The following TPCN1 variants were observed in gnomAD, a reference collection of about 807,000 sequenced individuals.
TPCN1 encodes two pore segment channel 1.
In TPCN1, 52 loss-of-function variants were observed where a neutral mutation model predicts 108.8. The ratio of observed to expected loss-of-function variants is 0.48; its 90% CI spans 0.38 to 0.60. The LOEUF (loss-of-function observed/expected upper bound fraction) is 0.60, where lower values mean the gene tolerates loss of function less well. TPCN1 is among the 20% of genes least tolerant of loss of function. The probability of loss-of-function intolerance (pLI) is 0.00; values close to 1 mark genes in which losing one functional copy is unlikely to be tolerated. For missense variants in TPCN1, 806 were observed against 1,072.8 expected (o/e 0.75, Z 3.47); for synonymous variants, 446 against 433.7 (o/e 1.03, Z -0.35).
intron 2 of TPCN1, among the ~76,000 whole-genome samples, chr12:113,229,099 GAGACACAATA>G (rs1953580237): frequency 6.6e-6 from 1 of 152,234 alleles, no homozygotes; most frequent in Non-Finnish European, 1.5e-5. Context: ...AAATAGGCCA[GAGACACAATA>G]AGACTCCCCT....
At chr12:113,227,017 G>T in intron 2 of TPCN1, 53 bp downstream of exon 2, 2 of 1,500,570 alleles carry the variant, frequency 1.3e-6, no homozygotes, top group Non-Finnish European at 1.8e-6. Context: ...TTCAGAGGCT[G>T]AGAGGTGATA....
chr12:113,280,113 C>A, intron 14 of TPCN1, 38 bp from the exon 15 acceptor site: 1 of 1,514,734 alleles, frequency 6.6e-7, no homozygotes, highest in Non-Finnish European at 9.2e-7. Context: ...GGAACAAGTG[C>A]GTAAATTTAC....
chr12:113,267,535 A>T (rs1398510283), intron 4 of TPCN1, among the ~76,000 whole-genome samples: 1 of 151,734 alleles, frequency 6.6e-6, no homozygotes, highest in Admixed American at 6.6e-5. Context: ...AGTAGCTGGG[A>T]TTACAGGTGT....
At chr12:113,244,042 C>T (rs755455349) in intron 2 of TPCN1, among the ~76,000 whole-genome samples, 30 of 152,226 alleles carry the variant, frequency 2.0e-4, no homozygotes, top group African/African-American at 6.3e-4. Flanking sequence ...AACTGCTCTC[C>T]GCTTCCTTGC....
chr12:113,296,281 GGGGGT>G lies in TPCN1; in HGVS notation c.*207_*211del. 1.3e-6 allele frequency: 1 copy of G among 744,010 alleles called. No individual in the cohort carries two copies. Among genetic ancestry groups the G allele is most frequent in the Non-Finnish European group, 2.1e-6 (1 of 483,336 alleles). The allele number at this position is 744,010 out of a possible 1,614,324, so 46.1% of individuals were successfully genotyped here. On this transcript the variant is annotated 3_prime_UTR_variant, in exon 28 of 28. Transcript: ENST00000335509. ...TCCAGAAGCCAGTTTGGTGAGGGGT[GGGGGT>G]GCGGCCACCAGGTCTGAGCTCTTCC...
Position 113,284,551 on chromosome 12 carries a change from C to T in TPCN1, c.1343-30C>T. ...AGATTTCTAAGCCCCCCTGTTATTT[C>T]TCTGTCTTTTACGGGCCTGTGTATT... On this transcript the variant is annotated intron_variant, in intron 15 of 27. Transcript: ENST00000335509. This position sits in a 1 kb window ranked among gnomAD's most constrained non-coding sequence, Gnocchi z 4.1. The T allele has an allele frequency of 2.5e-6, 4 of 1,613,590 alleles. No homozygotes were observed. The highest frequency in any genetic ancestry group is 3.4e-6 in the Non-Finnish European group (4 of 1,179,852).
rs1953484431 is a variant in TPCN1, at chr12:113,226,723, C to A, written c.-125-5C>A. Reference sequence around the variant, plus strand: ...TCTTTTATTTTTTTAATTCCCAAACCCTAGAAGATGCCTCTAATGGAGGAG... The same window carrying A: ...TCTTTTATTTTTTTAATTCCCAAACACTAGAAGATGCCTCTAATGGAGGAG... On this transcript the variant is annotated splice_polypyrimidine_tract_variant and splice_region_variant and intron_variant, in intron 1 of 27. Transcript: ENST00000335509. 1.3e-6 allele frequency: 2 copies of A among 1,548,732 alleles called. No homozygotes were observed. Among genetic ancestry groups the A allele is most frequent in the South Asian group, 1.2e-5 (1 of 84,022 alleles).
At chr12:113,227,531 G>A (rs1042496169) in intron 2 of TPCN1, among the ~76,000 whole-genome samples, 20 of 152,188 alleles carry the variant, frequency 1.3e-4, no homozygotes, top group African/African-American at 4.6e-4. Flanking sequence ...ACCCAAGTGC[G>A]GCAAGGAGCT....
At chr12:113,263,037 A>G (rs1955102116) in intron 3 of TPCN1, among the ~76,000 whole-genome samples, 1 of 152,202 alleles carries the variant, frequency 6.6e-6, no homozygotes. Flanking sequence ...ATCATTTTAA[A>G]TTGATGTCAT....
chr12:113,268,954 C>A lies in TPCN1; in HGVS notation c.659+82C>A. The A allele has an allele frequency of 1.3e-6, 2 of 1,545,030 alleles. No homozygotes were observed. The highest frequency in any genetic ancestry group is 1.8e-6 in the Non-Finnish European group (2 of 1,126,448). On this transcript the variant is annotated intron_variant, in intron 6 of 27. Transcript: ENST00000335509. This position sits in a 1 kb window ranked among gnomAD's most constrained non-coding sequence, Gnocchi z 7.3. ...GCCAGTGGGGCAGGAGCTTGTGAGT[C>A]AGTTAGTGATGAGGTCGACCCTGCA... is the stretch of plus-strand genomic sequence containing the variant.
intron 13 of TPCN1, 78 bp from the exon 14 acceptor site, chr12:113,278,694 G>A (rs577146388): frequency 8.2e-7 from 1 of 1,219,700 alleles, no homozygotes; most frequent in South Asian, 1.2e-5. Flanking sequence ...AACAGGAAAG[G>A]AAGCCAGCAT....
At chr12:113,265,276 T>C (rs1447658207) in intron 3 of TPCN1, among the ~76,000 whole-genome samples, 1 of 152,222 alleles carries the variant, frequency 6.6e-6, no homozygotes, top group Non-Finnish European at 1.5e-5. Context: ...CTCACAAATG[T>C]CCTCACCTTT....
chr12:113,269,706 G>C lies in TPCN1; in HGVS notation c.660-51G>C. ...TCCATCTCAACAAGGAGGAGTCCCA[G>C]GCAGCCCGCCCCAGCTGGTGCCTCC... On this transcript the variant is annotated intron_variant, in intron 6 of 27. Transcript: ENST00000335509. The surrounding 1 kb of genome is among the most constrained non-coding windows in gnomAD (Gnocchi z 5.0). The C allele has an allele frequency of 6.4e-7, 1 of 1,554,938 alleles. No individual in the cohort carries two copies. Among genetic ancestry groups the C allele is most frequent in the Non-Finnish European group, 8.8e-7 (1 of 1,132,528 alleles).
chr12:113,296,061 C>G lies in TPCN1; in HGVS notation c.2436C>G (p.Ser812=). 1.2e-6 allele frequency: 2 copies of G among 1,613,136 alleles called. No homozygotes were observed. Among genetic ancestry groups the G allele is most frequent in the Non-Finnish European group, 1.7e-6 (2 of 1,179,724 alleles). Residue 812 remains serine, a synonymous_variant, in exon 28 of 28, where the codon TCC becomes TCG. Coordinates refer to ENST00000335509, the MANE Select transcript of TPCN1 (RefSeq NM_017901.6). ...AQQPPGSRQR[S]QTVT ...AGCCCCCAGGCAGCCGCCAGCGCTC[C>G]CAGACCGTTACCTAGCCCAGCGCCC...
intron 27 of TPCN1, 44 bp downstream of exon 27, chr12:113,293,393 T>C (rs2136778383): frequency 6.3e-7 from 1 of 1,577,782 alleles, no homozygotes; most frequent in East Asian, 2.2e-5. Context: ...CCCCAAGCTA[T>C]GTCCTGGGAG....
intron 23 of TPCN1, 61 bp from the exon 24 acceptor site, chr12:113,291,548 T>C (rs1183563672): frequency 6.9e-7 from 1 of 1,457,670 alleles, no homozygotes; most frequent in Admixed American, 1.8e-5. Context: ...GAGCAGCCTG[T>C]GTAGACGGGG....
intron 3 of TPCN1, among the ~76,000 whole-genome samples, chr12:113,263,561 C>T (rs1955126077): frequency 6.6e-6 from 1 of 152,218 alleles, no homozygotes; most frequent in South Asian, 2.1e-4. Flanking sequence ...GTGCCCGGCT[C>T]AAGATGGCCT....
chr12:113,266,115 C>T lies in TPCN1; in HGVS notation c.238-65C>T, dbSNP rs530873713. The T allele has an allele frequency of 6.2e-5, 97 of 1,567,558 alleles. No individual in the cohort carries two copies. Among genetic ancestry groups the T allele is most frequent in the Middle Eastern group, 1.7e-4 (1 of 5,860 alleles). On this transcript the variant is annotated intron_variant, in intron 3 of 27. Transcript: ENST00000335509. The surrounding 1 kb of genome is among the most constrained non-coding windows in gnomAD (Gnocchi z 4.2). ...GGGCCTTCCTTTCCTCCCCTGCCCG[C>T]GGCTCCTCTTTGGCGTTGGATGGGT...
Position 113,260,379 on chromosome 12 carries a change from T to C in TPCN1, c.124T>C (p.Tyr42His). ...EELPSKNGGS[Y>H]AIHDSQAPSL... Reference sequence around the variant, plus strand: ...CTCTTCCAATGCAGATGGCGGCAGCTATGCCATCCACGACTCCCAGGCCCC... The same window carrying C: ...CTCTTCCAATGCAGATGGCGGCAGCCATGCCATCCACGACTCCCAGGCCCC... Residue 42 changes from tyrosine (Y) to histidine (H), a missense_variant, in exon 3 of 28, where the codon TAT becomes CAT. Coordinates refer to ENST00000335509, the MANE Select transcript of TPCN1 (RefSeq NM_017901.6). 1.3e-6 allele frequency: 2 copies of C among 1,500,446 alleles called. No individual in the cohort carries two copies. The highest frequency in any genetic ancestry group is 2.7e-5 in the Admixed American group (1 of 37,536). The allele number at this position is 1,500,446 out of a possible 1,614,324, so 92.9% of individuals were successfully genotyped here.
Sources: allele counts gnomAD v4.1 joint callset (sites outside exome capture counted in the v4.1 genomes callset), GRCh38; gene constraint gnomAD v4.1.1; non-coding constraint Gnocchi (gnomAD v3.1); transcripts MANE v1.5; gene names NCBI Gene and HGNC (gene_info 2026-07-23, HGNC 2026-07-21).